Variants in SNX5 observed in about 807,000 individuals in gnomAD.
The protein encoded by SNX5 is sorting nexin 5.
SNX5 carries 31 observed loss-of-function variants against 53.9 expected under a neutral mutation model. The ratio of observed to expected loss-of-function variants is 0.58; its 90% CI spans 0.43 to 0.78. SNX5 has a LOEUF of 0.78. SNX5 is among the 30% of genes least tolerant of loss of function. SNX5 has a pLI of 0.00. For missense variants in SNX5, 471 were observed against 478.8 expected, an observed-to-expected ratio of 0.98 and a Z score of 0.15; for synonymous variants, 168 against 171.1, an observed-to-expected ratio of 0.98 and a Z score of 0.14.
At chr20:17,957,772 G>C (rs1164677446) in intron 1 of SNX5, among the ~76,000 whole-genome samples, 1 of 152,190 alleles carries the variant, frequency 6.6e-6, no homozygotes. Flanking sequence ...ATGTGGAATA[G>C]GATCCTGGGT....
intron 6 of SNX5, chr20:17,951,167 T>C (rs2039562372): frequency 5.1e-6 from 1 of 194,330 alleles, no homozygotes; most frequent in African/African-American, 2.3e-5. Context: ...CTGTAGTTGG[T>C]GACCAAACTG....
At chr20:17,962,178 T>G (rs1007145437) in intron 1 of SNX5, 1 of 162,122 alleles carries the variant, frequency 6.2e-6, no homozygotes, top group Non-Finnish European at 1.3e-5. Context: ...CAACTAACTA[T>G]AAGCAATATA....
At chr20:17,949,814 C>G (rs890972838) in intron 8 of SNX5, among the ~76,000 whole-genome samples, 1 of 152,156 alleles carries the variant, frequency 6.6e-6, no homozygotes, top group Non-Finnish European at 1.5e-5. Context: ...ATTGCAAGCA[C>G]CAATTGCCAG....
At chr20:17,946,565 T>C (rs2039490326) in intron 11 of SNX5, among the ~76,000 whole-genome samples, 1 of 152,142 alleles carries the variant, frequency 6.6e-6, no homozygotes, top group Non-Finnish European at 1.5e-5. Context: ...CTAATAAAGA[T>C]AAAGGAAATT....
At chr20:17,947,299 G>A in intron 11 of SNX5, 187 bp downstream of exon 11, 1 of 580,038 alleles carries the variant, frequency 1.7e-6, no homozygotes, top group Non-Finnish European at 3.0e-6. Context: ...GAAAAACCAG[G>A]TGTGTAACGT....
At chr20:17,963,564 T>A (rs2035491747) in intron 1 of SNX5, among the ~76,000 whole-genome samples, 1 of 152,130 alleles carries the variant, frequency 6.6e-6, no homozygotes, top group Non-Finnish European at 1.5e-5. Flanking sequence ...CTCCCAAAAG[T>A]TCACTGGCAT....
At chr20:17,961,132 T>C (rs1462870746) in intron 1 of SNX5, 2 of 985,280 alleles carry the variant, frequency 2.0e-6, no homozygotes, top group Non-Finnish European at 2.4e-6. Flanking sequence ...CCCTGTGCAT[T>C]TCCTCACCTA....
chr20:17,952,171 C>T (rs1037860492), intron 5 of SNX5, among the ~76,000 whole-genome samples: 3 of 152,008 alleles, frequency 2.0e-5, no homozygotes, highest in Non-Finnish European at 2.9e-5. Context: ...TGCAGTAAGC[C>T]GAGATCGCGC....
intron 1 of SNX5, among the ~76,000 whole-genome samples, chr20:17,958,487 G>A (rs1259832525): frequency 6.6e-6 from 1 of 152,158 alleles, no homozygotes; most frequent in Non-Finnish European, 1.5e-5. Context: ...AAGCCAGAGG[G>A]AGCCTATTAC....
intron 1 of SNX5, among the ~76,000 whole-genome samples, chr20:17,959,423 G>A (rs552934313): frequency 6.6e-6 from 1 of 152,256 alleles, no homozygotes; most frequent in Non-Finnish European, 1.5e-5. Flanking sequence ...AAAACCACTA[G>A]GTTATGAGTG....
chr20:17,958,623 C>T (rs1323392163), intron 1 of SNX5, among the ~76,000 whole-genome samples: 2 of 148,470 alleles, frequency 1.3e-5, no homozygotes, highest in Non-Finnish European at 2.9e-5. Flanking sequence ...TTTTCTTCCA[C>T]ATGAATTCTT....
intron 1 of SNX5, among the ~76,000 whole-genome samples, chr20:17,960,078 T>C (rs774707658): frequency 1.1e-4 from 16 of 152,214 alleles, no homozygotes; most frequent in Non-Finnish European, 2.1e-4. Context: ...ACCTTTACCA[T>C]GCAAAGTTTT....
intron 6 of SNX5, chr20:17,951,211 G>A (rs958858183): frequency 3.0e-6 from 1 of 337,946 alleles, no homozygotes; most frequent in Non-Finnish European, 5.6e-6. Flanking sequence ...ATAAAATACT[G>A]ATCTTGTACT....
chr20:17,966,053 A>G (rs945506180), intron 1 of SNX5, among the ~76,000 whole-genome samples: 4 of 152,144 alleles, frequency 2.6e-5, no homozygotes, highest in Non-Finnish European at 2.9e-5. Context: ...AACACTCCTG[A>G]GTAGGTAAGA....
intron 3 of SNX5, 50 bp downstream of exon 3, chr20:17,955,315 G>T: frequency 7.6e-7 from 1 of 1,324,094 alleles, no homozygotes; most frequent in Non-Finnish European, 1.1e-6. Context: ...TTAAACTAAT[G>T]CATAGCAAGG....
intron 1 of SNX5, chr20:17,962,312 C>G (rs2035468513): frequency 5.4e-6 from 1 of 184,268 alleles, no homozygotes; most frequent in Non-Finnish European, 1.1e-5. Context: ...CTCCCAGATA[C>G]TCCTGCCTCA....
intron 1 of SNX5, among the ~76,000 whole-genome samples, chr20:17,963,926 C>T (rs2035497091): frequency 6.6e-6 from 1 of 152,084 alleles, no homozygotes; most frequent in Non-Finnish European, 1.5e-5. Flanking sequence ...GTTTGAGGTA[C>T]AGCAAATTTC....
At position 17,968,356 on chromosome 20, in the gene SNX5, G is replaced by A. The variant is rs2035603028; in HGVS notation, c.51+19C>T. ...CGCAGGGCCGCCCGCCCAGGAGTCT[G>A]AGGCTGGGAGGACCTCACCTTGCTG... is the stretch of plus-strand genomic sequence containing the variant. On this transcript the variant is annotated intron_variant, in intron 1 of 12. Transcript: ENST00000377759. 1.6e-6 allele frequency: 2 copies of A among 1,265,482 alleles called. No homozygotes were observed. Among genetic ancestry groups the A allele is most frequent in the East Asian group, 3.1e-5 (1 of 31,778 alleles). 78.4% of individuals were successfully genotyped at this position (1,265,482 alleles called of 1,614,324 possible). A position where few individuals can be genotyped will look rare whatever the true frequency, so the allele number is the denominator to read the frequency against.
intron 1 of SNX5, among the ~76,000 whole-genome samples, chr20:17,963,178 C>A (rs1292121442): frequency 1.3e-5 from 2 of 152,220 alleles, no homozygotes; most frequent in African/African-American, 2.4e-5. Flanking sequence ...GCAGGTCCAA[C>A]AAATGAATAA....
Sources: allele counts gnomAD v4.1 joint callset (sites outside exome capture counted in the v4.1 genomes callset), GRCh38; gene constraint gnomAD v4.1.1; transcripts MANE v1.5; gene names NCBI Gene and HGNC (gene_info 2026-07-23, HGNC 2026-07-21).